The following TBCK variants were observed in gnomAD, a reference collection of about 807,000 sequenced individuals.
The protein encoded by TBCK is TBC domain-containing protein kinase-like protein.
Under a neutral mutation model 113.4 loss-of-function variants are expected in TBCK, and 99 were observed. That is an observed-to-expected ratio of 0.87 (90% CI 0.74 to 1.03). The LOEUF (loss-of-function observed/expected upper bound fraction) is 1.03, where lower values mean the gene tolerates loss of function less well. TBCK is among the 50% of genes least tolerant of loss of function. The pLI, the probability that TBCK is intolerant of heterozygous loss-of-function variation, is 0.00. For synonymous variants in TBCK, 369 were observed against 370.8 expected, an observed-to-expected ratio of 1.00 and a Z score of 0.05; for missense variants, 1,045 against 1,061.3, an observed-to-expected ratio of 0.98 and a Z score of 0.21.
At chr4:106,239,219 C>T (rs1419439410) in intron 12 of TBCK, among the ~76,000 whole-genome samples, 1 of 152,078 alleles carries the variant, frequency 6.6e-6, no homozygotes, top group East Asian at 1.9e-4. Context: ...AAATACCCAA[C>T]TCCAGCCCCT....
At chr4:106,167,922 A>G (rs1390370167) in intron 23 of TBCK, among the ~76,000 whole-genome samples, 3 of 151,866 alleles carry the variant, frequency 2.0e-5, no homozygotes, top group Non-Finnish European at 4.4e-5. Context: ...ATTCTATTAA[A>G]GACTGAAGGA....
chr4:106,147,864 T>C (rs1748001818), intron 23 of TBCK, among the ~76,000 whole-genome samples: 1 of 152,224 alleles, frequency 6.6e-6, no homozygotes, highest in Admixed American at 6.5e-5. Flanking sequence ...AACAGAGTCA[T>C]ATTTCTCTTC....
At chr4:106,099,706 A>C (rs998459122) in intron 24 of TBCK, among the ~76,000 whole-genome samples, 1 of 152,148 alleles carries the variant, frequency 6.6e-6, no homozygotes, top group Non-Finnish European at 1.5e-5. Context: ...CAGCTCTAAT[A>C]AATCTTGTAC....
intron 10 of TBCK, among the ~76,000 whole-genome samples, chr4:106,245,023 G>A (rs542936993): frequency 8.5e-5 from 13 of 152,082 alleles, no homozygotes; most frequent in Non-Finnish European, 1.8e-4. Context: ...CCCAGGACTG[G>A]AGACAGAGAG....
At chr4:106,084,956 A>G (rs1166719825) in intron 25 of TBCK, among the ~76,000 whole-genome samples, 1 of 152,142 alleles carries the variant, frequency 6.6e-6, no homozygotes, top group Non-Finnish European at 1.5e-5. Context: ...GGAAAAAACA[A>G]AACAAAACAA....
rs955377731 is a variant in TBCK at position 106,218,036 on chromosome 4, A to G, written c.1775-5201T>C. Among the ~76,000 whole-genome samples, 39 of 144,290 alleles carry G rather than the reference A, an allele frequency of 2.7e-4. 1 individual carries two copies. Among genetic ancestry groups the G allele is most frequent in the African/African-American group, 1.0e-3 (39 of 38,276 alleles). 94.7% of individuals were successfully genotyped at this position (144,290 alleles called of 152,430 possible). A position where few individuals can be genotyped will look rare whatever the true frequency, so the allele number is the denominator to read the frequency against. ...CAAAACAGAGATATAGATCAATGGA[A>G]CAGAATAGAGCCCTCAGAAATAACG... is the stretch of plus-strand genomic sequence containing the variant. On this transcript the variant is annotated intron_variant, in intron 19 of 25. Coordinates refer to ENST00000394708, the MANE Select transcript of TBCK (RefSeq NM_001163435.3).
intron 19 of TBCK, among the ~76,000 whole-genome samples, chr4:106,218,581 AAAG>A (rs1247999880): frequency 1.6e-5 from 1 of 61,832 alleles, no homozygotes; most frequent in Non-Finnish European, 3.4e-5. Flanking sequence ...ACACCTCTCA[AAAG>A]AAGACATTTA....
At chr4:106,118,819 A>C (rs1435854653) in intron 23 of TBCK, among the ~76,000 whole-genome samples, 1 of 152,200 alleles carries the variant, frequency 6.6e-6, no homozygotes, top group Non-Finnish European at 1.5e-5. Context: ...CAAATGTATC[A>C]TATGGGAGGA....
At chr4:106,080,338 T>C (rs181499939) in intron 25 of TBCK, among the ~76,000 whole-genome samples, 6 of 152,188 alleles carry the variant, frequency 3.9e-5, no homozygotes, top group Non-Finnish European at 4.4e-5. Context: ...CATAGACTCA[T>C]GGAAAAGGAT....
At chr4:106,088,305 G>C (rs949001590) in intron 25 of TBCK, among the ~76,000 whole-genome samples, 3 of 152,088 alleles carry the variant, frequency 2.0e-5, no homozygotes, top group African/African-American at 7.2e-5. Context: ...TATATGAACA[G>C]CTCCTCCTCA....
At chr4:106,056,565 CT>C (rs70941235) in intron 25 of TBCK, among the ~76,000 whole-genome samples, 34,971 of 145,662 alleles carry the variant, frequency 0.24, 4,688 homozygotes, top group East Asian at 0.35. Flanking sequence ...GTATCCATTC[CT>C]TTTTTTTTTT....
intron 3 of TBCK, among the ~76,000 whole-genome samples, chr4:106,291,482 C>T (rs1765707328): frequency 6.6e-6 from 1 of 152,174 alleles, no homozygotes. Context: ...GCTTTGTATG[C>T]TATGTGGCGA....
At chr4:106,185,440 T>C (rs1179162868) in intron 22 of TBCK, among the ~76,000 whole-genome samples, 1 of 151,868 alleles carries the variant, frequency 6.6e-6, no homozygotes, top group Non-Finnish European at 1.5e-5. Context: ...AGAAATTATA[T>C]CTTGTATAAC....
chr4:106,197,248 T>G lies in TBCK; in HGVS notation c.1861-2494A>C, dbSNP rs974438552. 3.3e-5 allele frequency among the ~76,000 whole-genome samples: 5 copies of G among 151,270 alleles called. No individual in the cohort carries two copies. The East Asian group carries it at 9.7e-4, about 29-fold the overall frequency. On this transcript the variant is annotated intron_variant, in intron 20 of 25. Coordinates refer to ENST00000394708, the MANE Select transcript of TBCK (RefSeq NM_001163435.3). The stretch of plus-strand genomic sequence containing the variant: ...AAGGTGGCTATACTCTTCAGGAGAG[T>G]GTCCTGGAAGATTCTGCCAGAGAGA...
At chr4:106,219,840 T>A (rs912850894) in intron 19 of TBCK, among the ~76,000 whole-genome samples, 2 of 152,120 alleles carry the variant, frequency 1.3e-5, no homozygotes, top group Non-Finnish European at 2.9e-5. Flanking sequence ...TTTTTTGAAA[T>A]TGAAATGACA....
At position 106,175,956 on chromosome 4, in the gene TBCK, G is replaced by A. The variant is rs139882192; in HGVS notation, c.2060-4686C>T. ...GCTCCTTAGAGCCCTTTTTTGACTA[G>A]GGTCCAAACTTTGCCTATAAAGACT... is the stretch of plus-strand genomic sequence containing the variant. On this transcript the variant is annotated intron_variant, in intron 22 of 25. Transcript: ENST00000394708. Among the ~76,000 whole-genome samples the A allele has an allele frequency of 1.8e-3, 281 of 152,076 alleles. 1 individual carries two copies. The highest frequency in any genetic ancestry group is 6.4e-3 in the African/African-American group (265 of 41,538).
intron 25 of TBCK, among the ~76,000 whole-genome samples, chr4:106,079,381 T>C (rs1738599320): frequency 6.6e-6 from 1 of 152,186 alleles, no homozygotes; most frequent in Non-Finnish European, 1.5e-5. Context: ...GGAAGTCAAA[T>C]AATCTTTCTT....
At chr4:106,127,554 T>TAA (rs1158284064) in intron 23 of TBCK, among the ~76,000 whole-genome samples, 1 of 152,060 alleles carries the variant, frequency 6.6e-6, no homozygotes, top group Admixed American at 6.6e-5. Flanking sequence ...TATAATACAT[T>TAA]AAAAAATATT....
chr4:106,235,957 A>G (rs540185997), intron 14 of TBCK, among the ~76,000 whole-genome samples: 1 of 152,116 alleles, frequency 6.6e-6, no homozygotes, highest in South Asian at 2.1e-4. Context: ...GAGTTCCAAT[A>G]TCATTGCATC....
Sources: gnomAD v4.1 joint callset for allele counts (sites outside exome capture counted in the v4.1 genomes callset) on GRCh38, gnomAD v4.1.1 for gene constraint, MANE v1.5 for transcripts, NCBI Gene and HGNC (gene_info 2026-07-23, HGNC 2026-07-21) for gene names.